GPRIN2: variants seen among roughly 807,000 people sequenced by gnomAD.
The protein encoded by GPRIN2 is G protein-regulated inducer of neurite outgrowth 2.
In GPRIN2, 1 loss-of-function variant was observed where a neutral mutation model predicts 0.3. The observed-to-expected ratio is 3.90, with a 90% CI of 1.39 to 18.51. The LOEUF is 18.51. GPRIN2 is among the 30% of genes most tolerant of loss of function. The pLI, the probability that GPRIN2 is intolerant of heterozygous loss-of-function variation, is 0.11. For synonymous variants in GPRIN2, 361 were observed against 258.6 expected (o/e 1.40, Z -3.80); for missense variants, 880 against 604.2 (o/e 1.46, Z -4.79).
At chr10:46,552,799 A>G (rs1842762448) in intron 2 of GPRIN2, among the ~76,000 whole-genome samples, 1 of 152,310 alleles carries the variant, frequency 6.6e-6, no homozygotes, top group South Asian at 2.1e-4. Flanking sequence ...AGCTCTGAAC[A>G]CAGCCCCGGC....
In GPRIN2 at chr10:46,547,446, A is replaced by C. The variant is rs1370910365; in HGVS notation, c.*1914T>G. 5.3e-5 allele frequency among the ~76,000 whole-genome samples: 8 copies of C among 152,308 alleles called. No individual in the cohort carries two copies. The highest frequency in any genetic ancestry group is 1.9e-4 in the African/African-American group (8 of 41,486). ...ACCCCTGGTCACCTCCCAACCCAACAAACGCTCCAAATGAGCCGCCACTGC... is the reference window on the plus strand; with the variant it reads ...ACCCCTGGTCACCTCCCAACCCAACCAACGCTCCAAATGAGCCGCCACTGC... On this transcript the variant is annotated 3_prime_UTR_variant, in exon 3 of 3. Coordinates refer to ENST00000374314, the MANE Select transcript of GPRIN2 (RefSeq NM_001385282.1).
rs147795605 is a variant in GPRIN2 at position 46,549,839 on chromosome 10, C to T, written c.898G>A (p.Ala300Thr). The change falls in exon 3 of 3, where the codon GCT becomes ACT. Residue 300 changes from alanine (A) to threonine (T), a missense_variant. Transcript: ENST00000374314. The part of the protein sequence containing the change: ...SHCCAHLWGP[A>T]GLVPEPGSRT... The stretch of plus-strand genomic sequence containing the variant: ...GAGCCAGGCTCTGGGACTAACCCAG[C>T]GGGACCCCAAAGGTGGGCACAGCAA... The T allele has an allele frequency of 6.3e-5, 101 of 1,614,150 alleles. No individual in the cohort carries two copies. The highest frequency in any genetic ancestry group is 3.5e-4 in the African/African-American group (26 of 75,072).
At position 46,550,251 on chromosome 10, in the gene GPRIN2, A is replaced by T; in HGVS notation, c.486T>A (p.Ser162=). ...CTGCAGGGGCCTGGCCACCCTGGCC[A>T]GAAGTACCACCTGGCTGCAGCTGAG... ...HRAQLQPGGT[S]GQGGQAPAGL... The change falls in exon 3 of 3, where the codon TCT becomes TCA. Residue 162 remains serine (S), a synonymous_variant. Transcript: ENST00000374314. 1 of 1,610,280 alleles carries T rather than the reference A, an allele frequency of 6.2e-7. No individual in the cohort carries two copies. The highest frequency in any genetic ancestry group is 8.5e-7 in the Non-Finnish European group (1 of 1,177,924).
In GPRIN2 at chr10:46,546,778, T is replaced by C. The variant is rs1248499298; in HGVS notation, c.*2582A>G. On this transcript the variant is annotated 3_prime_UTR_variant, in exon 3 of 3. Coordinates refer to ENST00000374314, the MANE Select transcript of GPRIN2 (RefSeq NM_001385282.1). ...CAGGTAGACCTGTCAGCAGCAGCTG[T>C]GCAACTGGGCTAGGGAGACAAGGAT... Among the ~76,000 whole-genome samples, 1 of 152,312 alleles carries C rather than the reference T, an allele frequency of 6.6e-6. No homozygotes were observed. Among genetic ancestry groups the C allele is most frequent in the Non-Finnish European group, 1.5e-5 (1 of 68,058 alleles).
Position 46,543,668 on chromosome 10 carries a change from C to T in GPRIN2, c.*5692G>A, listed in dbSNP as rs1254456842. 1.3e-5 allele frequency among the ~76,000 whole-genome samples: 2 copies of T among 152,308 alleles called. No homozygotes were observed. Among genetic ancestry groups the T allele is most frequent in the African/African-American group, 4.8e-5 (2 of 41,488 alleles). ...CTTAAAACTAGACACACTCCCCTGCCCTGAGCCCCAGATGTCAATGGACAT... is the reference window on the plus strand; with the variant it reads ...CTTAAAACTAGACACACTCCCCTGCTCTGAGCCCCAGATGTCAATGGACAT... On this transcript the variant is annotated 3_prime_UTR_variant, in exon 3 of 3. Coordinates refer to ENST00000374314, the MANE Select transcript of GPRIN2 (RefSeq NM_001385282.1).
At chr10:46,555,979 C>T (rs1472677918) in intron 1 of GPRIN2, among the ~76,000 whole-genome samples, 1 of 152,312 alleles carries the variant, frequency 6.6e-6, no homozygotes, top group African/African-American at 2.4e-5. Flanking sequence ...GCTCCCCTCC[C>T]GCCCCTCCTG....
At chr10:46,550,774 TGA>T in intron 2 of GPRIN2, 32 bp from the exon 3 acceptor site, 1 of 1,485,634 alleles carries the variant, frequency 6.7e-7, no homozygotes. Context: ...GGAGTGGAGT[TGA>T]GTTGGGTGGC....
At chr10:46,556,147 G>A (rs1843192918) in intron 1 of GPRIN2, among the ~76,000 whole-genome samples, 1 of 152,304 alleles carries the variant, frequency 6.6e-6, no homozygotes, top group Non-Finnish European at 1.5e-5. Flanking sequence ...AGCAAGGCTG[G>A]GGGCGGGGTA....
chr10:46,557,480 G>C (rs557687605), upstream of GPRIN2, among the ~76,000 whole-genome samples: 1 of 152,308 alleles, frequency 6.6e-6, no homozygotes, highest in Non-Finnish European at 1.5e-5. Flanking sequence ...AGCCCGACTT[G>C]AGGCCTTCAG....
In GPRIN2 at chr10:46,550,255, G is replaced by A. The variant is rs1832433588; in HGVS notation, c.482C>T (p.Thr161Ile). 1.2e-6 allele frequency: 2 copies of A among 1,610,736 alleles called. No individual in the cohort carries two copies. The highest frequency in any genetic ancestry group is 1.1e-5 in the South Asian group (1 of 90,858). The change falls in exon 3 of 3, where the codon ACT becomes ATT. Residue 161 changes from threonine (T) to isoleucine (I), a missense_variant. Thr to Ile is a moderately conservative substitution (Grantham distance 89, BLOSUM62 -1). Coordinates refer to ENST00000374314, the MANE Select transcript of GPRIN2 (RefSeq NM_001385282.1). ...VHRAQLQPGG[T>I]SGQGGQAPAG... ...AGGGGCCTGGCCACCCTGGCCAGAA[G>A]TACCACCTGGCTGCAGCTGAGCCCT...
At position 46,550,599 on chromosome 10, in the gene GPRIN2, G is replaced by C. The variant is rs1832309565; in HGVS notation, c.138C>G (p.Thr46=). 1 of 1,585,126 alleles carries C rather than the reference G, an allele frequency of 6.3e-7. No individual in the cohort carries two copies. Among genetic ancestry groups the C allele is most frequent in the Non-Finnish European group, 8.6e-7 (1 of 1,165,830 alleles). ...RPELRKTASS[T]VWQAQLGEAS... is the part of the protein sequence containing the mutation. ...CCTCGCCCAGCTGGGCCTGCCACACGGTGCTGCTGGCAGTCTTGCGGAGCT... is the reference window on the plus strand; with the variant it reads ...CCTCGCCCAGCTGGGCCTGCCACACCGTGCTGCTGGCAGTCTTGCGGAGCT... The change falls in exon 3 of 3, where the codon ACC becomes ACG. Residue 46 remains threonine, a synonymous_variant. Transcript: ENST00000374314.
chr10:46,549,890 A>G lies in GPRIN2; in HGVS notation c.847T>C (p.Ser283Pro), dbSNP rs1425458521. ...QHGVKIHCRL[S>P]GGLPGHSHCC... is the part of the protein sequence containing the mutation. ...TGGGAATGCCCAGGGAGCCCCCCAG[A>G]CAACCTACAGTGGATCTTCACCCCA... The change falls in exon 3 of 3, where the codon TCT becomes CCT. Residue 283 changes from serine (S) to proline (P), a missense_variant. Ser to Pro is a moderately conservative substitution (Grantham distance 74, BLOSUM62 -1). Transcript: ENST00000374314. 5 of 1,614,148 alleles carry G rather than the reference A, an allele frequency of 3.1e-6. No homozygotes were observed. The African/African-American group carries it at 6.7e-5, about 22-fold the overall frequency.
chr10:46,546,874 C>A lies in GPRIN2; in HGVS notation c.*2486G>T, dbSNP rs1001294607. Among the ~76,000 whole-genome samples the A allele has an allele frequency of 9.8e-5, 15 of 152,430 alleles. No individual in the cohort carries two copies. Among genetic ancestry groups the A allele is most frequent in the Admixed American group, 5.9e-4 (9 of 15,314 alleles). On this transcript the variant is annotated 3_prime_UTR_variant, in exon 3 of 3. Coordinates refer to ENST00000374314, the MANE Select transcript of GPRIN2 (RefSeq NM_001385282.1). ...GGTGTTGGATTTCAGCACCGCTCTG[C>A]AAATACTCATCTCAGTGACGATGAG...
At chr10:46,552,284 G>A (rs1832127966) in intron 2 of GPRIN2, among the ~76,000 whole-genome samples, 2 of 152,416 alleles carry the variant, frequency 1.3e-5, no homozygotes, top group East Asian at 3.8e-4. Context: ...CCTCGGCCCT[G>A]GCCACAGCAG....
chr10:46,542,574 T>G lies in GPRIN2; in HGVS notation c.*6786A>C, dbSNP rs1833061803. Among the ~76,000 whole-genome samples, 2,594 of 150,840 alleles carry G rather than the reference T, an allele frequency of 0.017. No homozygotes were observed. The highest frequency in any genetic ancestry group is 0.06 in the African/African-American group (2,419 of 40,136). ...TGATTGTAAGTTTCCTGAGGCTTCCTGTAAGTTTCCTGAGGCTCCCCGGGC... is the reference window on the plus strand; with the variant it reads ...TGATTGTAAGTTTCCTGAGGCTTCCGGTAAGTTTCCTGAGGCTCCCCGGGC... On this transcript the variant is annotated 3_prime_UTR_variant, in exon 3 of 3. Coordinates refer to ENST00000374314, the MANE Select transcript of GPRIN2 (RefSeq NM_001385282.1).
chr10:46,548,683 T>G lies in GPRIN2; in HGVS notation c.*677A>C, dbSNP rs1023840772. ...AACCCAGCACAGAGTATGAGCTCAG[T>G]AAATTCTCCTCATACATGACTGCAC... On this transcript the variant is annotated 3_prime_UTR_variant, in exon 3 of 3. Transcript: ENST00000374314. 2.6e-4 allele frequency among the ~76,000 whole-genome samples: 39 copies of G among 152,284 alleles called. No individual in the cohort carries two copies. Among genetic ancestry groups the G allele is most frequent in the Non-Finnish European group, 5.0e-4 (34 of 68,036 alleles).
chr10:46,554,109 A>G (rs1242968538), intron 2 of GPRIN2, among the ~76,000 whole-genome samples: 4 of 152,308 alleles, frequency 2.6e-5, no homozygotes, highest in Non-Finnish European at 5.9e-5. Context: ...GTTGTTGTGA[A>G]GACCAAATGT....
At chr10:46,550,893 AGTG>A (rs1842521123) in intron 2 of GPRIN2, 151 bp from the exon 3 acceptor site, 3 of 589,336 alleles carry the variant, frequency 5.1e-6, no homozygotes, top group African/African-American at 1.4e-4. Context: ...CAAGGCAGTG[AGTG>A]ACAAGACACC....
intron 1 of GPRIN2, among the ~76,000 whole-genome samples, chr10:46,554,914 C>T (rs1843002634): frequency 6.6e-6 from 1 of 152,310 alleles, no homozygotes; most frequent in South Asian, 2.1e-4. Context: ...TCAGACAACA[C>T]TGTGGCATCC....
Sources: allele counts gnomAD v4.1 joint callset (sites outside exome capture counted in the v4.1 genomes callset), GRCh38; gene constraint gnomAD v4.1.1; transcripts MANE v1.5; gene names NCBI Gene and HGNC (gene_info 2026-07-23, HGNC 2026-07-21).